The following PLEKHA6 variants were observed in gnomAD, a reference collection of about 807,000 sequenced individuals.
PLEKHA6 encodes the protein pleckstrin homology domain-containing family A member 6.
In PLEKHA6, 60 loss-of-function variants were observed where a neutral mutation model predicts 116.7. That is an observed-to-expected ratio of 0.51 (90% CI 0.42 to 0.64). The LOEUF (loss-of-function observed/expected upper bound fraction) is 0.64, where lower values mean the gene tolerates loss of function less well. Among genes scored for constraint, PLEKHA6 ranks in the 30% least tolerant of loss-of-function variants. The probability of loss-of-function intolerance (pLI) is 0.00; values close to 1 mark genes in which losing one functional copy is unlikely to be tolerated. For synonymous variants in PLEKHA6, 489 were observed against 556.1 expected (o/e 0.88, Z 1.70); for missense variants, 1,338 against 1,422.7 (o/e 0.94, Z 0.96).
At chr1:204,270,441 C>A (rs12354396) in intron 3 of PLEKHA6, among the ~76,000 whole-genome samples, 27,078 of 152,098 alleles carry the variant, frequency 0.18, 2,533 homozygotes, top group East Asian at 0.28. Flanking sequence ...AAACTGAACT[C>A]ATTTTCTTTC....
rs543744660 is a variant in PLEKHA6, at chr1:204,302,679, C to A, written c.-94-27870G>T. On this transcript the variant is annotated intron_variant, in intron 1 of 22. Transcript: ENST00000272203. ...ATTACCTGAGGTCAGGAATTTGAGA[C>A]CAGCCTGACCAACATGGAGAAACCC... Among the ~76,000 whole-genome samples the A allele has an allele frequency of 7.2e-5, 11 of 152,220 alleles. No individual in the cohort carries two copies. In the South Asian group the frequency reaches 1.5e-3, roughly 20 times the overall value.
intron 3 of PLEKHA6, among the ~76,000 whole-genome samples, chr1:204,269,864 C>A (rs1347750582): frequency 6.6e-6 from 1 of 152,176 alleles, no homozygotes; most frequent in African/African-American, 2.4e-5. Flanking sequence ...CAGATGCACT[C>A]AAGTCTCTCC....
chr1:204,320,062 G>C (rs1466600341), intron 1 of PLEKHA6, among the ~76,000 whole-genome samples: 3 of 152,158 alleles, frequency 2.0e-5, no homozygotes, highest in Non-Finnish European at 4.4e-5. Context: ...CAGCCACCAA[G>C]GGGCCAGGAA....
chr1:204,281,129 G>A (rs1668549246), intron 1 of PLEKHA6: 1 of 215,470 alleles, frequency 4.6e-6, no homozygotes, highest in Middle Eastern at 2.4e-3. Flanking sequence ...CGAGACTGCA[G>A]TGAACTATGA....
chr1:204,345,007 C>G (rs549671969), intron 1 of PLEKHA6, among the ~76,000 whole-genome samples: 3 of 152,184 alleles, frequency 2.0e-5, no homozygotes, highest in African/African-American at 2.4e-5. Context: ...AGCGACTTAC[C>G]GAGCACCAAC....
At chr1:204,304,391 C>G (rs527822596) in intron 1 of PLEKHA6, among the ~76,000 whole-genome samples, 1 of 152,120 alleles carries the variant, frequency 6.6e-6, no homozygotes, top group Non-Finnish European at 1.5e-5. Context: ...TCTAAAGACC[C>G]GCAGGGAAAG....
intron 2 of PLEKHA6, among the ~76,000 whole-genome samples, chr1:204,371,116 C>G (rs1458813987): frequency 6.7e-6 from 1 of 150,318 alleles, no homozygotes; most frequent in Non-Finnish European, 1.5e-5. Flanking sequence ...TTCAGTTGTT[C>G]ATTGCCACAT....
chr1:204,272,202 A>T (rs891497134), intron 3 of PLEKHA6, among the ~76,000 whole-genome samples: 1 of 151,948 alleles, frequency 6.6e-6, no homozygotes, highest in East Asian at 1.9e-4. Context: ...GAGTCTCTTT[A>T]ATTTCCTAGA....
intron 14 of PLEKHA6, 120 bp from the exon 15 acceptor site, chr1:204,245,123 TTA>T: frequency 1.5e-6 from 1 of 685,214 alleles, no homozygotes; most frequent in East Asian, 3.2e-5. Flanking sequence ...AAGGGCAGAT[TTA>T]GTGTCTCAGG....
intron 1 of PLEKHA6, among the ~76,000 whole-genome samples, chr1:204,290,310 T>C (rs962046656): frequency 1.8e-4 from 28 of 152,170 alleles, no homozygotes; most frequent in African/African-American, 6.5e-4. Context: ...ATCAAGACAA[T>C]GTAGTGTTGG....
chr1:204,289,519 TGCCTTCCTAGCAGCCCGCG>T (rs942532064), intron 1 of PLEKHA6, among the ~76,000 whole-genome samples: 3 of 152,202 alleles, frequency 2.0e-5, no homozygotes, highest in African/African-American at 4.8e-5. Context: ...TCTCCTGGGC[TGCCTTCCTAGCAGCCCGCG>T]GGGTGGCTGG....
intron 3 of PLEKHA6, among the ~76,000 whole-genome samples, chr1:204,268,822 G>T (rs944213552): frequency 6.6e-6 from 1 of 152,070 alleles, no homozygotes; most frequent in Non-Finnish European, 1.5e-5. Context: ...CCACACTATG[G>T]CAATAGTCCA....
At chr1:204,349,969 G>A (rs935432702) in intron 1 of PLEKHA6, among the ~76,000 whole-genome samples, 34 of 152,208 alleles carry the variant, frequency 2.2e-4, no homozygotes, top group African/African-American at 7.7e-4. Context: ...AGGGTAACAC[G>A]CATGTGCTCC....
intron 1 of PLEKHA6, among the ~76,000 whole-genome samples, chr1:204,280,613 AG>A (rs1668497650): frequency 6.6e-6 from 1 of 152,198 alleles, no homozygotes; most frequent in African/African-American, 2.4e-5. Flanking sequence ...GCAAGTGGAA[AG>A]GGGGTCCCAT....
intron 1 of PLEKHA6, among the ~76,000 whole-genome samples, chr1:204,346,108 C>G (rs1470769225): frequency 6.6e-6 from 1 of 152,194 alleles, no homozygotes; most frequent in African/African-American, 2.4e-5. Context: ...CCTAGAGGAG[C>G]TGCTGCCCCA....
rs1316512278 is a variant in PLEKHA6, at chr1:204,259,115, G to A, written c.1007+143C>T. The A allele has an allele frequency of 1.1e-6, 1 of 935,710 alleles. No homozygotes were observed. Among genetic ancestry groups the A allele is most frequent in the Admixed American group, 2.7e-5 (1 of 37,290 alleles). The allele number at this position is 935,710 out of a possible 1,614,324, so 58.0% of individuals were successfully genotyped here. ...GGCAGGCAGGATTTGGGCAAGCCAG[G>A]AAGCATGGGATTTGCTTGGTTTCCC... is the stretch of plus-strand genomic sequence containing the variant. On this transcript the variant is annotated intron_variant, in intron 8 of 22. Transcript: ENST00000272203. This position sits in a 1 kb window ranked among gnomAD's most constrained non-coding sequence, Gnocchi z 4.6.
At chr1:204,314,366 T>C (rs567079094) in intron 1 of PLEKHA6, among the ~76,000 whole-genome samples, 12 of 152,302 alleles carry the variant, frequency 7.9e-5, no homozygotes, top group African/African-American at 2.2e-4. Flanking sequence ...ATAAATTCCC[T>C]GTTCTAGAAA....
intron 14 of PLEKHA6, 80 bp downstream of exon 14, chr1:204,245,535 G>A (rs1361210312): frequency 6.2e-6 from 5 of 811,544 alleles, no homozygotes; most frequent in Admixed American, 5.6e-5. Flanking sequence ...TGAGCTGGCA[G>A]GAGTGGGATG....
chr1:204,266,483 G>A (rs528172457), intron 5 of PLEKHA6, among the ~76,000 whole-genome samples: 17 of 152,242 alleles, frequency 1.1e-4, no homozygotes, highest in Admixed American at 2.0e-4. Context: ...CTGTGGCCCC[G>A]TATCCTGGAG....
Sources: allele counts gnomAD v4.1 joint callset (sites outside exome capture counted in the v4.1 genomes callset), GRCh38; gene constraint gnomAD v4.1.1; non-coding constraint Gnocchi (gnomAD v3.1); transcripts MANE v1.5; gene names NCBI Gene and HGNC (gene_info 2026-07-23, HGNC 2026-07-21).